SHTN1: variants seen among roughly 807,000 people sequenced by gnomAD.
SHTN1 encodes shootin-1.
In SHTN1, 42 loss-of-function variants were observed where a neutral mutation model predicts 83.1. The observed-to-expected ratio is 0.51, with a 90% confidence interval of 0.39 to 0.65. The LOEUF is 0.65. Among genes scored for constraint, SHTN1 ranks in the 30% least tolerant of loss-of-function variants. The pLI is 0.00. For synonymous variants in SHTN1, 224 were observed against 247.7 expected, an observed-to-expected ratio of 0.90 and a Z score of 0.90; for missense variants, 622 against 737.8, an observed-to-expected ratio of 0.84 and a Z score of 1.82.
upstream of SHTN1, among the ~76,000 whole-genome samples, chr10:117,008,414 T>C (rs1852053279): frequency 6.6e-6 from 1 of 152,164 alleles, no homozygotes. Flanking sequence ...GATCCACTAA[T>C]TCTATATCAG....
At chr10:116,922,924 C>T (rs1048483609) in intron 11 of SHTN1, among the ~76,000 whole-genome samples, 42 of 151,778 alleles carry the variant, frequency 2.8e-4, no homozygotes, top group Non-Finnish European at 4.9e-4. Context: ...CAAGATCACA[C>T]CATTGCACTC....
chr10:116,942,086 TGGA>T, intron 8 of SHTN1, among the ~76,000 whole-genome samples: 1 of 152,206 alleles, frequency 6.6e-6, no homozygotes, highest in East Asian at 1.9e-4. Context: ...TACACTTGGC[TGGA>T]GAAGGGTGAG....
chr10:116,922,701 AC>A (rs1477180711), intron 11 of SHTN1, among the ~76,000 whole-genome samples: 12 of 152,212 alleles, frequency 7.9e-5, no homozygotes, highest in Admixed American at 6.5e-4. Context: ...GCAGTGGCTC[AC>A]ACGTGTAATC....
chr10:117,078,346 C>T (rs1287146721), intron 1 of SHTN1, among the ~76,000 whole-genome samples: 1 of 152,138 alleles, frequency 6.6e-6, no homozygotes, highest in African/African-American at 2.4e-5. Context: ...GATTACCTGC[C>T]TGGCATGTAA....
intron 1 of SHTN1, among the ~76,000 whole-genome samples, chr10:117,089,100 A>G (rs1013562736): frequency 6.6e-6 from 1 of 152,192 alleles, no homozygotes; most frequent in African/African-American, 2.4e-5. Context: ...CCTATTAGCA[A>G]CAGTTCTAGA....
rs1177537419 is a variant in SHTN1 at position 116,882,971 on chromosome 10, C to A, written c.*3373G>T. On this transcript the variant is annotated 3_prime_UTR_variant, in exon 17 of 17. Transcript: ENST00000355371. ...GTGTTCACATACCCTTTGAAAAATA[C>A]ACACACACACACACACACACACACA... 1 of 134,702 alleles carries A rather than the reference C, an allele frequency of 7.4e-6. No individual in the cohort carries two copies. The highest frequency in any genetic ancestry group is 2.0e-4 in the East Asian group (1 of 5,044). The allele number at this position is 134,702 out of a possible 1,614,324, so 8.3% of individuals were successfully genotyped here.
chr10:116,915,557 GA>G, intron 12 of SHTN1, 73 bp from the exon 13 acceptor site: 1 of 829,438 alleles, frequency 1.2e-6, no homozygotes, highest in Non-Finnish European at 2.0e-6. Flanking sequence ...TGGTGACTTG[GA>G]AAAATTACAC....
intron 1 of SHTN1, among the ~76,000 whole-genome samples, chr10:117,065,354 G>A (rs1852961251): frequency 6.6e-6 from 1 of 152,070 alleles, no homozygotes; most frequent in Non-Finnish European, 1.5e-5. Context: ...GTGTGTTAAT[G>A]GAGAGCATCC....
chr10:117,122,676 C>G (rs1465229518), intron 1 of SHTN1, among the ~76,000 whole-genome samples: 6 of 152,084 alleles, frequency 3.9e-5, no homozygotes, highest in Non-Finnish European at 8.8e-5. Flanking sequence ...ATAAGCTGTC[C>G]TAATAAACTA....
intron 1 of SHTN1, among the ~76,000 whole-genome samples, chr10:116,988,729 AG>A (rs1029263144): frequency 1.3e-5 from 2 of 151,654 alleles, no homozygotes; most frequent in Admixed American, 6.6e-5. Context: ...TTTTGTAGGG[AG>A]GGGTTCTTGT....
intron 1 of SHTN1, among the ~76,000 whole-genome samples, chr10:117,056,436 T>G (rs1852827082): frequency 6.6e-6 from 1 of 152,224 alleles, no homozygotes; most frequent in African/African-American, 2.4e-5. Context: ...TGGTCCACCC[T>G]ATCAATGGGC....
intron 2 of SHTN1, among the ~76,000 whole-genome samples, chr10:117,036,087 T>G (rs2133576474): frequency 6.6e-6 from 1 of 152,128 alleles, no homozygotes. Context: ...ACAATAAGAT[T>G]TCATCTTAAC....
chr10:117,033,901 A>C (rs1485028614), intron 2 of SHTN1, among the ~76,000 whole-genome samples: 1 of 152,216 alleles, frequency 6.6e-6, no homozygotes, highest in Non-Finnish European at 1.5e-5. Context: ...GTGATACATC[A>C]TATCACAGAA....
At chr10:116,989,450 A>G (rs1337966386) in intron 1 of SHTN1, among the ~76,000 whole-genome samples, 2 of 152,222 alleles carry the variant, frequency 1.3e-5, no homozygotes, top group African/African-American at 4.8e-5. Context: ...GGGGAGAACT[A>G]AAGATAATTA....
chr10:117,125,057 C>A (rs187454397), intron 1 of SHTN1, among the ~76,000 whole-genome samples: 44 of 152,264 alleles, frequency 2.9e-4, no homozygotes, highest in African/African-American at 8.4e-4. Flanking sequence ...TTACTCAGAA[C>A]CTAGGGAAGC....
chr10:116,958,014 G>A (rs1157663927), intron 4 of SHTN1, among the ~76,000 whole-genome samples: 1 of 152,130 alleles, frequency 6.6e-6, no homozygotes, highest in Non-Finnish European at 1.5e-5. Flanking sequence ...GAGCCAAGAT[G>A]GCATCACGGC....
At chr10:116,923,560 CTTTTT>C (rs113330291) in intron 11 of SHTN1, among the ~76,000 whole-genome samples, 1 of 143,880 alleles carries the variant, frequency 7.0e-6, no homozygotes, top group Admixed American at 7.0e-5. Context: ...CCTTTCTTTC[CTTTTT>C]TTTTTTTTGA....
chr10:116,933,244 G>T (rs544071334), intron 9 of SHTN1, among the ~76,000 whole-genome samples: 1 of 152,160 alleles, frequency 6.6e-6, no homozygotes, highest in Non-Finnish European at 1.5e-5. Context: ...AGGTATACAT[G>T]TGCCATAGTG....
chr10:116,916,584 G>A (rs551745722), intron 12 of SHTN1, among the ~76,000 whole-genome samples: 8 of 152,292 alleles, frequency 5.3e-5, no homozygotes, highest in Admixed American at 4.6e-4. Flanking sequence ...GCTTCTAAAT[G>A]CCAGGCAATC....
Sources: allele counts gnomAD v4.1 joint callset (sites outside exome capture counted in the v4.1 genomes callset), GRCh38; gene constraint gnomAD v4.1.1; transcripts MANE v1.5; gene names NCBI Gene and HGNC (gene_info 2026-07-23, HGNC 2026-07-21).